Variants in CDKL5 observed in about 807,000 individuals in gnomAD.
CDKL5 encodes the protein cyclin-dependent kinase-like 5.
CDKL5 carries 8 observed loss-of-function variants against 61.7 expected under a neutral mutation model. The observed-to-expected ratio is 0.13, with a 90% CI of 0.08 to 0.23. CDKL5 has a LOEUF of 0.23. Among genes scored for constraint, CDKL5 ranks in the 10% least tolerant of loss-of-function variants. The pLI is 1.00. For missense variants in CDKL5, 440 were observed against 734.5 expected, an observed-to-expected ratio of 0.60 and a Z score of 4.63; for synonymous variants, 275 against 272.3, an observed-to-expected ratio of 1.01 and a Z score of -0.10.
chrX:18,621,962 G>T (rs965679395), intron 16 of CDKL5, among the ~76,000 whole-genome samples: 6 of 111,841 alleles, frequency 5.4e-5, no homozygotes, highest in African/African-American at 1.9e-4. Flanking sequence ...TTTTTATTTT[G>T]TGGTTTTTGT....
In CDKL5 at chrX:18,604,600, G is replaced by A. The variant is rs1926294168; in HGVS notation, c.1676G>A (p.Arg559Gln). The stretch of plus-strand genomic sequence containing the variant: ...AATGAGGGAACGCTGGACTCACGTC[G>A]AACCACAACCAGACATTCTAAGACG... ...NRNEGTLDSRRTTTRHSKTME... is the reference protein window; with the variant it reads ...NRNEGTLDSRQTTTRHSKTME... The change falls in exon 12 of 18, where the codon CGA (arginine) becomes CAA (glutamine). Residue 559 changes from arginine to glutamine, a missense_variant. Around this residue, in one of 2 missense-constraint regions of CDKL5, gnomAD observed 363 missense variants for 516.3 expected, o/e 0.70. Transcript: ENST00000623535. 3.3e-6 allele frequency: 4 copies of A among 1,210,289 alleles called. No homozygotes were observed. Among genetic ancestry groups the A allele is most frequent in the Admixed American group, 4.4e-5 (2 of 45,817 alleles).
At chrX:18,613,054 C>T (rs1234124623) in intron 14 of CDKL5, 98 bp from the exon 15 acceptor site, 1 of 732,460 alleles carries the variant, frequency 1.4e-6, no homozygotes, top group Non-Finnish European at 1.9e-6. Context: ...GAGATCACGC[C>T]ACTGCACTCC....
chrX:18,491,064 C>A (rs1414771055), intron 1 of CDKL5, among the ~76,000 whole-genome samples: 2 of 111,976 alleles, frequency 1.8e-5, no homozygotes, highest in African/African-American at 6.5e-5. Context: ...ATTCCACTTA[C>A]TTTGTTTTTC....
At chrX:18,488,607 C>G (rs1394380352) in intron 1 of CDKL5, among the ~76,000 whole-genome samples, 1 of 111,739 alleles carries the variant, frequency 8.9e-6, no homozygotes, top group Non-Finnish European at 1.9e-5. Context: ...AGCTCAATCA[C>G]CAATGGCTAG....
intron 2 of CDKL5, among the ~76,000 whole-genome samples, chrX:18,509,217 A>G (rs1335806018): frequency 2.9e-5 from 3 of 104,825 alleles, no homozygotes; most frequent in Admixed American, 1.1e-4. Flanking sequence ...ACACACACAC[A>G]CACACACACA....
intron 1 of CDKL5, among the ~76,000 whole-genome samples, chrX:18,431,878 G>GT (rs1021153221): frequency 3.9e-5 from 4 of 103,698 alleles, no homozygotes; most frequent in Non-Finnish European, 5.8e-5. Flanking sequence ...CTGTCAATGA[G>GT]TTTTTTTTAA....
At chrX:18,616,082 C>G (rs1926705610) in intron 15 of CDKL5, among the ~76,000 whole-genome samples, 1 of 111,271 alleles carries the variant, frequency 9.0e-6, no homozygotes, top group Non-Finnish European at 1.9e-5. Context: ...GCAGGCAGCA[C>G]TGAGGTTGTC....
chrX:18,574,275 A>G (rs1380295106), intron 4 of CDKL5, among the ~76,000 whole-genome samples: 1 of 112,073 alleles, frequency 8.9e-6, no homozygotes, highest in Non-Finnish European at 1.9e-5. Flanking sequence ...CTATAGCACA[A>G]CATATGAATG....
chrX:18,465,841 G>A (rs1278155398), intron 1 of CDKL5, among the ~76,000 whole-genome samples: 1 of 111,621 alleles, frequency 9.0e-6, no homozygotes, highest in Non-Finnish European at 1.9e-5. Context: ...CCTTTAATTT[G>A]TAAAAGTATT....
intron 4 of CDKL5, among the ~76,000 whole-genome samples, chrX:18,565,130 A>G (rs1445158369): frequency 8.9e-6 from 1 of 112,234 alleles, no homozygotes; most frequent in Non-Finnish European, 1.9e-5. Flanking sequence ...AGTTTAAAAT[A>G]ATGCATTTCA....
intron 7 of CDKL5, among the ~76,000 whole-genome samples, chrX:18,583,787 G>A (rs1208012979): frequency 2.7e-5 from 3 of 111,824 alleles, no homozygotes; most frequent in African/African-American, 9.8e-5. Context: ...TTCCATCACT[G>A]TTTATGTAAA....
intron 3 of CDKL5, among the ~76,000 whole-genome samples, chrX:18,522,335 CTTTTTTTTTTTTT>C (rs369618121): frequency 8.0e-5 from 3 of 37,510 alleles, no homozygotes; most frequent in African/African-American, 1.2e-4. Flanking sequence ...CAGGCTGGAG[CTTTTTTTTTTTTT>C]TTTTTTTTTT....
chrX:18,623,532 T>C (rs1211980765), intron 16 of CDKL5, among the ~76,000 whole-genome samples: 1 of 112,307 alleles, frequency 8.9e-6, no homozygotes, highest in African/African-American at 3.2e-5. Context: ...AGTAGCTCTT[T>C]AACACAGTTC....
intron 21 of CDKL5, among the ~76,000 whole-genome samples, chrX:18,651,605 C>G (rs1170745071): frequency 9.0e-6 from 1 of 111,116 alleles, no homozygotes; most frequent in East Asian, 2.9e-4. Flanking sequence ...GAGACGTCTG[C>G]CTTCCAATGG....
chrX:18,623,881 A>G, intron 16 of CDKL5: 2 of 745,602 alleles, frequency 2.7e-6, no homozygotes, highest in Non-Finnish European at 3.2e-6. Flanking sequence ...TATTGCAGAC[A>G]GATTCCACCA....
At chrX:18,570,880 T>G (rs1294596760) in intron 4 of CDKL5, among the ~76,000 whole-genome samples, 7 of 111,513 alleles carry the variant, frequency 6.3e-5, no homozygotes, top group Non-Finnish European at 1.3e-4. Context: ...AGTAGGACAG[T>G]TTTTGGGTTG....
chrX:18,578,377 A>G (rs981140921), intron 5 of CDKL5, among the ~76,000 whole-genome samples: 1 of 112,245 alleles, frequency 8.9e-6, no homozygotes, highest in Non-Finnish European at 1.9e-5. Context: ...GAGTAAATAC[A>G]ACTGATTCTT....
rs1039546421 is a variant in CDKL5 at position 18,584,413 on chromosome X, G to A, written c.554+60G>A. ...ACATCTGCTGATTCTATTGTCATTT[G>A]CTTTGAGTTCATCTATGGAAAATAA... is the stretch of plus-strand genomic sequence containing the variant. On this transcript the variant is annotated intron_variant, in intron 8 of 17. Coordinates refer to ENST00000623535, the MANE Select transcript of CDKL5 (RefSeq NM_001323289.2). 4.7e-5 allele frequency: 36 copies of A among 765,878 alleles called. No homozygotes were observed. The African/African-American group carries it at 6.0e-4, about 13-fold the overall frequency. The allele number at this position is 765,878 out of a possible 1,213,427, so 63.1% of individuals were successfully genotyped here.
intron 4 of CDKL5, among the ~76,000 whole-genome samples, chrX:18,574,771 TC>T (rs1363868221): frequency 8.9e-6 from 1 of 111,873 alleles, no homozygotes; most frequent in Non-Finnish European, 1.9e-5. Flanking sequence ...CTCTCAGAAT[TC>T]CCTGCAACTT....
Sources: gnomAD v4.1 joint callset for allele counts (sites outside exome capture counted in the v4.1 genomes callset) on GRCh38, gnomAD v4.1.1 for gene constraint, gnomAD v4.1.1 regional missense constraint, MANE v1.5 for transcripts, NCBI Gene and HGNC (gene_info 2026-07-23, HGNC 2026-07-21) for gene names.